Variants in TTC39C observed in about 807,000 individuals in gnomAD.
TTC39C encodes tetratricopeptide repeat domain 39C.
In TTC39C, 33 loss-of-function variants were observed where a neutral mutation model predicts 76.3. The observed-to-expected ratio is 0.43, with a 90% confidence interval of 0.33 to 0.58. The LOEUF (loss-of-function observed/expected upper bound fraction) is 0.58, where lower values mean the gene tolerates loss of function less well. Among genes scored for constraint, TTC39C ranks in the 20% least tolerant of loss-of-function variants. The probability of loss-of-function intolerance (pLI) is 0.04; values close to 1 mark genes in which losing one functional copy is unlikely to be tolerated. For missense variants in TTC39C, 595 were observed against 701.4 expected (o/e 0.85, Z 1.71); for synonymous variants, 254 against 260.6 (o/e 0.97, Z 0.24).
chr18:24,017,993 T>G (rs1293014705), intron 1 of TTC39C, among the ~76,000 whole-genome samples: 1 of 152,238 alleles, frequency 6.6e-6, no homozygotes, highest in African/African-American at 2.4e-5. Context: ...AGAAACAGAT[T>G]ATCCTGAAGG....
chr18:24,059,845 C>T (rs2084069967), intron 1 of TTC39C, among the ~76,000 whole-genome samples: 1 of 152,154 alleles, frequency 6.6e-6, no homozygotes, highest in Non-Finnish European at 1.5e-5. Context: ...ACTCATAGTT[C>T]CACATGGCTG....
chr18:24,126,262 T>C (rs1568447468), intron 10 of TTC39C, among the ~76,000 whole-genome samples: 1 of 152,154 alleles, frequency 6.6e-6, no homozygotes, highest in Non-Finnish European at 1.5e-5. Context: ...GAAATTAGTA[T>C]TGACAGTGTA....
intron 1 of TTC39C, among the ~76,000 whole-genome samples, chr18:24,028,923 A>G (rs1272949737): frequency 1.3e-5 from 2 of 151,832 alleles, no homozygotes; most frequent in Non-Finnish European, 2.9e-5. Context: ...GGGTTTCACC[A>G]TATTGATCAG....
rs116716004 is a variant in TTC39C, at chr18:24,110,696, T to G, written c.985-3858T>G. On this transcript the variant is annotated intron_variant, in intron 6 of 13. Transcript: ENST00000317571. ...GCAGGCTGGAATAACTGGAAAAATA[T>G]GCTCCATCTTTCATAACAATGCCAT... Among the ~76,000 whole-genome samples the G allele has an allele frequency of 7.9e-3, 1,201 of 152,366 alleles. 18 individuals carry two copies. Among genetic ancestry groups the G allele is most frequent in the African/African-American group, 0.027 (1,143 of 41,586 alleles).
chr18:24,082,118 G>A (rs933524853), intron 5 of TTC39C, among the ~76,000 whole-genome samples: 3 of 149,138 alleles, frequency 2.0e-5, no homozygotes, highest in East Asian at 2.0e-4. Flanking sequence ...CCCGGGTCCC[G>A]GTTCAAGCAA....
chr18:24,035,707 AT>A (rs1161729171), intron 1 of TTC39C, among the ~76,000 whole-genome samples: 1 of 80,008 alleles, frequency 1.2e-5, no homozygotes, highest in Non-Finnish European at 4.1e-5. Flanking sequence ...ATTTTCAGAC[AT>A]TTCCCCCCCC....
At chr18:24,011,775 C>T (rs908292896), upstream of TTC39C, among the ~76,000 whole-genome samples, 1 of 152,190 alleles carries the variant, frequency 6.6e-6, no homozygotes, top group Non-Finnish European at 1.5e-5. Context: ...TTCCACCACT[C>T]GCTGGCTTTT....
At chr18:24,084,019 G>C (rs1310107357) in intron 6 of TTC39C, among the ~76,000 whole-genome samples, 1 of 152,126 alleles carries the variant, frequency 6.6e-6, no homozygotes, top group African/African-American at 2.4e-5. Flanking sequence ...ATGGGCACAG[G>C]AATAATTTGT....
chr18:24,105,242 A>G (rs1408550246), intron 6 of TTC39C, among the ~76,000 whole-genome samples: 2 of 152,196 alleles, frequency 1.3e-5, no homozygotes, highest in African/African-American at 4.8e-5. Context: ...ATAACATGTG[A>G]ACCTTGCAAA....
chr18:23,993,681 A>G (rs1042995039), intron 1 of TTC39C, among the ~76,000 whole-genome samples: 4 of 152,176 alleles, frequency 2.6e-5, no homozygotes, highest in Admixed American at 2.6e-4. Flanking sequence ...ATCAAAGTTT[A>G]TTTTTCATAA....
chr18:24,024,016 A>ATTT (rs1181326548), intron 1 of TTC39C, among the ~76,000 whole-genome samples: 1 of 5,478 alleles, frequency 1.8e-4, no homozygotes, highest in Non-Finnish European at 3.1e-4. Context: ...ATATATATAT[A>ATTT]TTTTTTTTTT....
At chr18:24,043,042 C>T (rs2083817402) in intron 1 of TTC39C, among the ~76,000 whole-genome samples, 1 of 152,138 alleles carries the variant, frequency 6.6e-6, no homozygotes, top group Non-Finnish European at 1.5e-5. Flanking sequence ...CTGGTCCCTA[C>T]TCACAAGAAA....
At chr18:24,052,895 A>G (rs2083970470) in intron 1 of TTC39C, among the ~76,000 whole-genome samples, 2 of 152,204 alleles carry the variant, frequency 1.3e-5, no homozygotes, top group Admixed American at 1.3e-4. Context: ...TGGGAGGAGG[A>G]GACCTCATGA....
intron 1 of TTC39C, among the ~76,000 whole-genome samples, chr18:24,055,382 T>A (rs1380102890): frequency 6.6e-6 from 1 of 152,190 alleles, no homozygotes; most frequent in Non-Finnish European, 1.5e-5. Context: ...TTTCTCCACA[T>A]CCTTTCTAAC....
chr18:24,046,324 T>C (rs1033677182), intron 1 of TTC39C, among the ~76,000 whole-genome samples: 1 of 151,702 alleles, frequency 6.6e-6, no homozygotes, highest in Non-Finnish European at 1.5e-5. Context: ...AGTAACTAGT[T>C]TATTGTATGT....
At chr18:24,036,766 G>A (rs2083737902) in intron 1 of TTC39C, among the ~76,000 whole-genome samples, 1 of 152,094 alleles carries the variant, frequency 6.6e-6, no homozygotes, top group South Asian at 2.1e-4. Context: ...TGAGTAGCTG[G>A]AGCTACAGGT....
intron 6 of TTC39C, among the ~76,000 whole-genome samples, chr18:24,087,409 G>A (rs2084454700): frequency 6.6e-6 from 1 of 152,046 alleles, no homozygotes. Flanking sequence ...TTGGTTTTCT[G>A]TAAATACATA....
chr18:24,118,050 A>G, intron 7 of TTC39C, 75 bp from the exon 8 acceptor site: 2 of 1,144,670 alleles, frequency 1.7e-6, no homozygotes, highest in Non-Finnish European at 2.5e-6. Flanking sequence ...TCGCCATATC[A>G]GAGGCTCGTG....
chr18:24,099,750 T>C (rs1186539681), intron 6 of TTC39C, among the ~76,000 whole-genome samples: 6 of 152,082 alleles, frequency 3.9e-5, no homozygotes, highest in African/African-American at 1.2e-4. Flanking sequence ...CTTATGTAAC[T>C]TACTGCTGTG....
Sources: allele counts gnomAD v4.1 joint callset (sites outside exome capture counted in the v4.1 genomes callset), GRCh38; gene constraint gnomAD v4.1.1; transcripts MANE v1.5; gene names NCBI Gene and HGNC (gene_info 2026-07-23, HGNC 2026-07-21).